Variants in SIRPA observed in about 807,000 individuals in gnomAD.
SIRPA encodes the protein tyrosine-protein phosphatase non-receptor type substrate 1.
A neutral mutation model predicts 50.3 loss-of-function variants in SIRPA; 9 were observed. That is an observed-to-expected ratio of 0.18 (90% CI 0.11 to 0.31). The LOEUF (loss-of-function observed/expected upper bound fraction) is 0.31. Ranked by LOEUF, SIRPA falls within the 10% of genes least tolerant of loss-of-function variation. SIRPA has a pLI of 1.00. For synonymous variants in SIRPA, 265 were observed against 284.1 expected, an observed-to-expected ratio of 0.93 and a Z score of 0.68; for missense variants, 474 against 661.6, an observed-to-expected ratio of 0.72 and a Z score of 3.11.
chr20:1,927,671 A>G lies in SIRPA; in HGVS notation c.1202-204A>G, dbSNP rs1986060973. ...CAACTTCCAGAAGTGGAAAAGCAGG[A>G]CCATCTAGCTTACTCCTTCCCAGGC... On this transcript the variant is annotated intron_variant, in intron 5 of 7. Transcript: ENST00000358771. The surrounding 1 kb of genome is among the most constrained non-coding windows in gnomAD (Gnocchi z 6.5). Among the ~76,000 whole-genome samples the G allele has an allele frequency of 6.6e-6, 1 of 152,186 alleles. No homozygotes were observed. The highest frequency in any genetic ancestry group is 2.1e-4 in the South Asian group (1 of 4,832).
chr20:1,913,230 C>T (rs528709378), intron 1 of SIRPA, among the ~76,000 whole-genome samples: 25 of 152,344 alleles, frequency 1.6e-4, no homozygotes, highest in African/African-American at 6.0e-4. Context: ...AGACTCCACT[C>T]ACCTGCCATG....
intron 2 of SIRPA, 60 bp downstream of exon 2, chr20:1,915,515 C>T (rs1985226494): frequency 6.4e-7 from 1 of 1,572,128 alleles, no homozygotes; most frequent in South Asian, 1.1e-5. Flanking sequence ...ATAATAACAC[C>T]CTCCATTCTT....
Position 1,928,904 on chromosome 20 carries a change from C to A in SIRPA, c.1226+1005C>A, listed in dbSNP as rs1431245614. On this transcript the variant is annotated intron_variant, in intron 6 of 7. Coordinates refer to ENST00000358771, the MANE Select transcript of SIRPA (RefSeq NM_001040023.2). The surrounding 1 kb of genome is among the most constrained non-coding windows in gnomAD (Gnocchi z 4.9). ...ATCGGCTTTTTGGAAGGCCTCTGAT[C>A]TTCATCCCCAGCAGAGCAGAGGCAG... 6.6e-6 allele frequency among the ~76,000 whole-genome samples: 1 copy of A among 152,182 alleles called. No individual in the cohort carries two copies. The highest frequency in any genetic ancestry group is 1.5e-5 in the Non-Finnish European group (1 of 68,036).
intron 1 of SIRPA, among the ~76,000 whole-genome samples, chr20:1,904,708 C>T (rs559242004): frequency 5.3e-5 from 8 of 152,280 alleles, no homozygotes; most frequent in South Asian, 2.1e-4. Context: ...CTTTTGCCAG[C>T]GGGGAGACCT....
chr20:1,898,754 C>G lies in SIRPA; in HGVS notation c.79+3228C>G, dbSNP rs1983981058. Among the ~76,000 whole-genome samples the G allele has an allele frequency of 6.6e-6, 1 of 151,966 alleles. No homozygotes were observed. On this transcript the variant is annotated intron_variant, in intron 1 of 7. Transcript: ENST00000358771. The surrounding 1 kb of genome is among the most constrained non-coding windows in gnomAD (Gnocchi z 4.3). ...GTGGAGGACTGTAGAAGAGTTCTTT[C>G]TCTGGGCAGAAGGTTTTGATGAAGT...
rs1325900692 is a variant in SIRPA at position 1,938,051 on chromosome 20, T to C, written c.*483T>C. 1.3e-5 allele frequency: 2 copies of C among 156,422 alleles called. No homozygotes were observed. Among genetic ancestry groups the C allele is most frequent in the African/African-American group, 5.2e-5 (2 of 38,564 alleles). The allele number at this position is 156,422 out of a possible 1,614,324, so 9.7% of individuals were successfully genotyped here. A position where few individuals can be genotyped will look rare whatever the true frequency, so the allele number is the denominator to read the frequency against. On this transcript the variant is annotated 3_prime_UTR_variant, in exon 8 of 8. Transcript: ENST00000358771. ...AACTGGGGCTAGAGTGGGGAAGATT[T>C]CCCCTTTAGATCAAACTGCCCCTTC... is the stretch of plus-strand genomic sequence containing the variant.
chr20:1,913,169 G>A (rs4813323), intron 1 of SIRPA, among the ~76,000 whole-genome samples: 55,946 of 152,006 alleles, frequency 0.37, 10,624 homozygotes, highest in East Asian at 0.66. Flanking sequence ...AAAGGAAGTC[G>A]AAATGGTAAT....
At chr20:1,935,646 C>G (rs1283316671) in intron 7 of SIRPA, among the ~76,000 whole-genome samples, 1 of 152,232 alleles carries the variant, frequency 6.6e-6, no homozygotes, top group East Asian at 1.9e-4. Flanking sequence ...CATTTTACTT[C>G]TGGACTTCCT....
intron 1 of SIRPA, among the ~76,000 whole-genome samples, chr20:1,910,578 A>C (rs1984829181): frequency 6.6e-6 from 1 of 152,250 alleles, no homozygotes; most frequent in African/African-American, 2.4e-5. Context: ...TGCCAACCAC[A>C]GTAGCAGGAG....
rs914710281 is a variant in SIRPA at position 1,922,991 on chromosome 20, T to A, written c.1087+346T>A. On this transcript the variant is annotated intron_variant, in intron 4 of 7. Transcript: ENST00000358771. ...CACTGGCCCAGCCCCTCTTCCCTAC[T>A]CTTTCTAGCCCCTGCCTCATCTCCC... Among the ~76,000 whole-genome samples the A allele has an allele frequency of 6.6e-5, 10 of 150,920 alleles. 2 individuals carry two copies. The highest frequency in any genetic ancestry group is 1.9e-4 in the East Asian group (1 of 5,150).
intron 6 of SIRPA, among the ~76,000 whole-genome samples, chr20:1,931,828 A>T (rs1049343693): frequency 3.3e-5 from 5 of 152,158 alleles, no homozygotes. Context: ...TGAGAGAAAA[A>T]TGTGTCTCTG....
intron 1 of SIRPA, among the ~76,000 whole-genome samples, chr20:1,911,732 C>T (rs1434006817): frequency 6.6e-6 from 1 of 152,138 alleles, no homozygotes; most frequent in Non-Finnish European, 1.5e-5. Context: ...TTCCAATTTC[C>T]CCTCCCACCG....
At chr20:1,895,402 C>T (rs1206754737), upstream of SIRPA, 4 of 1,176,904 alleles carry the variant, frequency 3.4e-6, no homozygotes, top group Non-Finnish European at 4.5e-6. Context: ...CCCGCCCGAG[C>T]GCGCACTCAC....
chr20:1,894,546 C>G (rs1983640830), upstream of SIRPA: 1 of 151,928 alleles, frequency 6.6e-6, no homozygotes, highest in Admixed American at 6.6e-5. The surrounding 1 kb of genome is among the most constrained non-coding windows in gnomAD (Gnocchi z 4.0). Flanking sequence ...CGGGGAGGGG[C>G]AGAGCGGGAC....
At chr20:1,915,045 AAC>A (rs1985153091) in intron 1 of SIRPA, 52 bp from the exon 2 acceptor site, 1 of 1,338,616 alleles carries the variant, frequency 7.5e-7, no homozygotes, top group Non-Finnish European at 1.0e-6. Flanking sequence ...CACTTGAGGA[AAC>A]ACAGAGGATC....
In SIRPA at chr20:1,937,236, G is replaced by A; in HGVS notation, c.1267-84G>A. On this transcript the variant is annotated intron_variant, in intron 7 of 7. Transcript: ENST00000358771. The surrounding 1 kb of genome is among the most constrained non-coding windows in gnomAD (Gnocchi z 8.3). ...GGCCGAGAGGACACAGAAGCATCCA[G>A]ACTTGGTATTCAGTTTGAGTGAGTG... 1.3e-6 allele frequency: 2 copies of A among 1,501,422 alleles called. No homozygotes were observed. Among genetic ancestry groups the A allele is most frequent in the South Asian group, 1.2e-5 (1 of 80,238 alleles). The allele number at this position is 1,501,422 out of a possible 1,614,324, so 93.0% of individuals were successfully genotyped here.
Position 1,939,884 on chromosome 20 carries a change from GGTAATAATGAGTCCTTCCGGT to G in SIRPA, c.*2319_*2339del, listed in dbSNP as rs1203722980. 5 of 152,706 alleles carry G rather than the reference GGTAATAATGAGTCCTTCCGGT, an allele frequency of 3.3e-5. No individual in the cohort carries two copies. Among genetic ancestry groups the G allele is most frequent in the Non-Finnish European group, 5.9e-5 (4 of 68,034 alleles). 9.5% of individuals were successfully genotyped at this position (152,706 alleles called of 1,614,324 possible). On this transcript the variant is annotated 3_prime_UTR_variant, in exon 8 of 8. Coordinates refer to ENST00000358771, the MANE Select transcript of SIRPA (RefSeq NM_001040023.2). This position sits in a 1 kb window ranked among gnomAD's most constrained non-coding sequence, Gnocchi z 4.7. ...AATATTTTTGTAATAAAGATTTCTG[GGTAATAATGAGTCCTTCCGGT>G]GTTCAGTATTCTTGTCTTTGTGAGT...
chr20:1,908,521 C>T (rs1264794310), intron 1 of SIRPA, among the ~76,000 whole-genome samples: 1 of 152,182 alleles, frequency 6.6e-6, no homozygotes, highest in African/African-American at 2.4e-5. Context: ...GCCCCCCATT[C>T]AGACACAGTC....
intron 1 of SIRPA, among the ~76,000 whole-genome samples, chr20:1,903,906 A>G (rs896015187): frequency 6.6e-6 from 1 of 151,998 alleles, no homozygotes; most frequent in Non-Finnish European, 1.5e-5. Flanking sequence ...TGTCTCCTCC[A>G]CTAGGATATA....
Sources: allele counts gnomAD v4.1 joint callset (sites outside exome capture counted in the v4.1 genomes callset), GRCh38; gene constraint gnomAD v4.1.1; non-coding constraint Gnocchi (gnomAD v3.1); transcripts MANE v1.5; gene names NCBI Gene and HGNC (gene_info 2026-07-23, HGNC 2026-07-21).